Variants in NCOR2 observed in about 807,000 individuals in gnomAD.
NCOR2 encodes CTG repeat protein 26.
NCOR2 carries 81 observed loss-of-function variants against 262.9 expected under a neutral mutation model. The observed-to-expected ratio is 0.31, with a 90% CI of 0.26 to 0.37. NCOR2 has a LOEUF of 0.37. NCOR2 is among the 10% of genes least tolerant of loss of function. The pLI is 1.00. For missense variants in NCOR2, 3,385 were observed against 3,621.4 expected (o/e 0.93, Z 1.68); for synonymous variants, 1,659 against 1,559.3 (o/e 1.06, Z -1.51).
Position 124,483,638 on chromosome 12 carries a change from C to G in NCOR2, c.369G>C (p.Leu123=), listed in dbSNP as rs1429122582. ...ATCCCGCAGGCTGGCCCGTGGCCAG[C>G]AGGGGTGACGGTCGCAGCAGGGGGT... Residue 123 remains leucine (L), a synonymous_variant, in exon 3 of 47, where the codon CTG becomes CTC. Transcript: ENST00000405201. The surrounding 1 kb of genome is among the most constrained non-coding windows in gnomAD (Gnocchi z 6.3). The G allele has an allele frequency of 6.2e-7, 1 of 1,610,422 alleles. No homozygotes were observed. The highest frequency in any genetic ancestry group is 8.5e-7 in the Non-Finnish European group (1 of 1,178,560).
intron 13 of NCOR2, among the ~76,000 whole-genome samples, chr12:124,413,225 G>A (rs2042681562): frequency 6.6e-6 from 1 of 152,212 alleles, no homozygotes; most frequent in Non-Finnish European, 1.5e-5. Flanking sequence ...CCCTGGGAGG[G>A]GCGGTCGTGC....
rs920622049 is a variant in NCOR2 at position 124,531,165 on chromosome 12, G to A, written c.-118+4400C>T. Among the ~76,000 whole-genome samples the A allele has an allele frequency of 6.6e-6, 1 of 152,182 alleles. No homozygotes were observed. Among genetic ancestry groups the A allele is most frequent in the Non-Finnish European group, 1.5e-5 (1 of 68,034 alleles). On this transcript the variant is annotated intron_variant, in intron 1 of 46. Coordinates refer to the NCOR2 transcript ENST00000404621. This position sits in a 1 kb window ranked among gnomAD's most constrained non-coding sequence, Gnocchi z 4.5. ...GTCATTTCAGGAGAAGGACGTCTGG[G>A]AGGCATCCACCAACTCATGCTGAAC...
At chr12:124,534,252 T>A (rs140122203) in intron 1 of NCOR2, among the ~76,000 whole-genome samples, 2 of 151,814 alleles carry the variant, frequency 1.3e-5, no homozygotes, top group Non-Finnish European at 2.9e-5. Context: ...AGGTCAGGAG[T>A]TCGAGACCAG....
At chr12:124,371,931 A>G in intron 20 of NCOR2, 91 bp downstream of exon 22, 1 of 1,327,136 alleles carries the variant, frequency 7.5e-7, no homozygotes, top group Non-Finnish European at 1.0e-6. Context: ...AAGCAGGCAG[A>G]GCCAGACTGG....
At chr12:124,455,610 C>T (rs1269161163) in intron 6 of NCOR2, among the ~76,000 whole-genome samples, 3 of 152,236 alleles carry the variant, frequency 2.0e-5, no homozygotes, top group Non-Finnish European at 4.4e-5. Flanking sequence ...ACTGAGCAGC[C>T]TGCAGAAACT....
At chr12:124,391,388 C>T (rs1276309733) in intron 16 of NCOR2, among the ~76,000 whole-genome samples, 1 of 152,170 alleles carries the variant, frequency 6.6e-6, no homozygotes, top group Admixed American at 6.5e-5. Flanking sequence ...GCCATTTTCC[C>T]CGAGAAACTC....
At chr12:124,433,205 G>T (rs545344417) in intron 8 of NCOR2, among the ~76,000 whole-genome samples, 1 of 152,358 alleles carries the variant, frequency 6.6e-6, no homozygotes, top group Admixed American at 6.5e-5. Flanking sequence ...ACGCGCTGGA[G>T]ATCAAGAGGC....
At chr12:124,466,350 C>G in intron 4 of NCOR2, 64 bp from the exon 7 acceptor site, 1 of 1,495,982 alleles carries the variant, frequency 6.7e-7, no homozygotes, top group South Asian at 1.2e-5. Context: ...GCTGCAGCCC[C>G]CAGGGCGCGG....
At position 124,482,571 on chromosome 12, in the gene NCOR2, C is replaced by T. The variant is rs1417305207; in HGVS notation, c.411+1025G>A. Among the ~76,000 whole-genome samples, 1 of 152,208 alleles carries T rather than the reference C, an allele frequency of 6.6e-6. No individual in the cohort carries two copies. Among genetic ancestry groups the T allele is most frequent in the Non-Finnish European group, 1.5e-5 (1 of 68,032 alleles). On this transcript the variant is annotated intron_variant, in intron 3 of 46. Transcript: ENST00000405201. The surrounding 1 kb of genome is among the most constrained non-coding windows in gnomAD (Gnocchi z 6.3). Reference sequence around the variant, plus strand: ...CCCACATGACCAGGTGACACCCTGCCCACAAGGTCCCAGATCAGTGAGGAA... The same window carrying T: ...CCCACATGACCAGGTGACACCCTGCTCACAAGGTCCCAGATCAGTGAGGAA...
intron 17 of NCOR2, chr12:124,383,591 G>T: frequency 3.9e-6 from 1 of 253,566 alleles, no homozygotes; most frequent in Non-Finnish European, 6.9e-6. Context: ...ATGGCATCCA[G>T]ATAAAATAAC....
intron 1 of NCOR2, among the ~76,000 whole-genome samples, chr12:124,551,788 G>C (rs965747756): frequency 6.6e-6 from 1 of 152,162 alleles, no homozygotes; most frequent in Admixed American, 6.5e-5. Context: ...AAGGAGGCGC[G>C]GGCCGTTTTC....
intron 1 of NCOR2, among the ~76,000 whole-genome samples, chr12:124,511,750 G>A (rs2049407009): frequency 1.3e-5 from 2 of 152,062 alleles, no homozygotes; most frequent in South Asian, 2.1e-4. Context: ...AGGGGTTCTC[G>A]GCCACCCAAA....
At chr12:124,485,489 C>T (rs2047723586) in intron 2 of NCOR2, among the ~76,000 whole-genome samples, 1 of 152,264 alleles carries the variant, frequency 6.6e-6, no homozygotes, top group African/African-American at 2.4e-5. Flanking sequence ...TGAGGGGGCG[C>T]GGCCCTGCGG....
At chr12:124,435,539 G>A (rs2044285951) in intron 8 of NCOR2, among the ~76,000 whole-genome samples, 1 of 152,190 alleles carries the variant, frequency 6.6e-6, no homozygotes, top group South Asian at 2.1e-4. Flanking sequence ...ACCCAACCAA[G>A]TTCGGGGCCA....
At chr12:124,329,198 C>T (rs1038305410) in intron 44 of NCOR2, 18 of 464,340 alleles carry the variant, frequency 3.9e-5, no homozygotes, top group Non-Finnish European at 5.7e-5. Context: ...TGACTGCTCA[C>T]GCCTGTAATC....
intron 1 of NCOR2, among the ~76,000 whole-genome samples, chr12:124,557,236 C>CT (rs2051912195): frequency 1.3e-5 from 2 of 152,216 alleles, no homozygotes; most frequent in African/African-American, 4.8e-5. Context: ...CTTCCTAGAA[C>CT]TGCTGTAAAC....
At chr12:124,373,388 GC>G (rs779526913) in intron 19 of NCOR2, among the ~76,000 whole-genome samples, 1 of 101,258 alleles carries the variant, frequency 9.9e-6, no homozygotes, top group African/African-American at 3.4e-5. Context: ...GTGTGCAGGG[GC>G]CCCGGGCACA....
exon 46 of NCOR2, chr12:124,326,287 G>C (rs761145072): frequency 6.4e-7 from 1 of 1,566,518 alleles, no homozygotes; most frequent in South Asian, 1.2e-5. Context: ...GAGGGTGGCC[G>C]GTCCCCAGAT....
chr12:124,366,439 A>G (rs1796095359), intron 20 of NCOR2, among the ~76,000 whole-genome samples: 2 of 152,036 alleles, frequency 1.3e-5, no homozygotes. Context: ...GGGAGGAGGG[A>G]GGATAGGGGT....
Sources: gnomAD v4.1 joint callset for allele counts (sites outside exome capture counted in the v4.1 genomes callset) on GRCh38, gnomAD v4.1.1 for gene constraint, Gnocchi (gnomAD v3.1) non-coding constraint, MANE v1.5 for transcripts, NCBI Gene and HGNC (gene_info 2026-07-23, HGNC 2026-07-21) for gene names.